The following CCSER1 variants were observed in gnomAD, a reference collection of about 807,000 sequenced individuals.
The protein encoded by CCSER1 is serine-rich coiled-coil domain-containing protein 1.
CCSER1 carries 41 observed loss-of-function variants against 82.0 expected under a neutral mutation model. The observed-to-expected ratio is 0.50, with a 90% CI of 0.39 to 0.65. The LOEUF is 0.65. Among genes scored for constraint, CCSER1 ranks in the 30% least tolerant of loss-of-function variants. CCSER1 has a pLI of 0.00. For synonymous variants in CCSER1, 414 were observed against 383.9 expected (o/e 1.08, Z -0.92); for missense variants, 1,119 against 1,064.2 (o/e 1.05, Z -0.72).
intron 10 of CCSER1, among the ~76,000 whole-genome samples, chr4:91,334,457 A>G (rs1041511599): frequency 2.0e-5 from 3 of 152,078 alleles, no homozygotes; most frequent in African/African-American, 4.8e-5. Flanking sequence ...AATGTTTGAC[A>G]CAATTTGCAG....
chr4:91,019,018 T>C (rs1468739933), intron 9 of CCSER1, among the ~76,000 whole-genome samples: 2 of 152,064 alleles, frequency 1.3e-5, no homozygotes, highest in African/African-American at 4.8e-5. Context: ...TTCATCTCTA[T>C]CATTTATTGC....
At chr4:91,387,132 C>A (rs1751346353) in intron 10 of CCSER1, among the ~76,000 whole-genome samples, 1 of 151,888 alleles carries the variant, frequency 6.6e-6, no homozygotes, top group Non-Finnish European at 1.5e-5. Flanking sequence ...GATAATGAAA[C>A]TGTGATTCTG....
chr4:90,255,951 G>C (rs1723211673), intron 1 of CCSER1, among the ~76,000 whole-genome samples: 1 of 152,142 alleles, frequency 6.6e-6, no homozygotes, highest in Non-Finnish European at 1.5e-5. Flanking sequence ...ATCTAAGCTA[G>C]CTAGTGATGG....
At chr4:90,583,470 A>G (rs1781648122) in intron 5 of CCSER1, among the ~76,000 whole-genome samples, 1 of 152,112 alleles carries the variant, frequency 6.6e-6, no homozygotes, top group Non-Finnish European at 1.5e-5. Context: ...CTGGCTGGAT[A>G]TGTTTTTTAA....
chr4:90,248,065 T>C (rs566648650), intron 1 of CCSER1, among the ~76,000 whole-genome samples: 2 of 152,246 alleles, frequency 1.3e-5, no homozygotes, highest in South Asian at 2.1e-4. Flanking sequence ...ATTATATTAG[T>C]TTGAATAAGT....
At chr4:90,250,961 A>G (rs558795378) in intron 1 of CCSER1, among the ~76,000 whole-genome samples, 8 of 151,886 alleles carry the variant, frequency 5.3e-5, no homozygotes, top group Non-Finnish European at 7.4e-5. Context: ...TAAATGGAGG[A>G]CTATTTTCTT....
intron 10 of CCSER1, among the ~76,000 whole-genome samples, chr4:91,148,321 T>A (rs1401133242): frequency 6.6e-6 from 1 of 152,112 alleles, no homozygotes; most frequent in Non-Finnish European, 1.5e-5. Flanking sequence ...ATTGAGCTCT[T>A]AAGATATACC....
intron 7 of CCSER1, among the ~76,000 whole-genome samples, chr4:90,751,000 C>G (rs1481795106): frequency 6.6e-6 from 1 of 151,948 alleles, no homozygotes; most frequent in Non-Finnish European, 1.5e-5. Context: ...CTATATTATG[C>G]TGAAAATAAC....
At chr4:90,494,091 CA>C (rs1156845933) in intron 5 of CCSER1, among the ~76,000 whole-genome samples, 2 of 151,518 alleles carry the variant, frequency 1.3e-5, no homozygotes, top group Non-Finnish European at 1.5e-5. Context: ...AAACGGAAAA[CA>C]AAAAAAGGCA....
chr4:90,727,476 C>T (rs1325054547), intron 7 of CCSER1, among the ~76,000 whole-genome samples: 1 of 152,108 alleles, frequency 6.6e-6, no homozygotes, highest in East Asian at 1.9e-4. Flanking sequence ...TCATTCTATC[C>T]TTTTCTATCT....
intron 10 of CCSER1, among the ~76,000 whole-genome samples, chr4:91,092,109 G>T (rs758063741): frequency 2.6e-5 from 4 of 152,224 alleles, no homozygotes; most frequent in Non-Finnish European, 5.9e-5. Flanking sequence ...TTTTAATCCT[G>T]TCTCTTGATA....
intron 8 of CCSER1, among the ~76,000 whole-genome samples, chr4:90,875,436 A>G (rs1767073325): frequency 6.6e-6 from 1 of 152,160 alleles, no homozygotes; most frequent in Non-Finnish European, 1.5e-5. Flanking sequence ...ATGAGAACAA[A>G]TGACTTCACA....
intron 10 of CCSER1, among the ~76,000 whole-genome samples, chr4:91,462,993 A>G (rs1327906885): frequency 6.6e-6 from 1 of 152,170 alleles, no homozygotes; most frequent in Non-Finnish European, 1.5e-5. Flanking sequence ...CCGGTCTGAC[A>G]GCTTTGAAGA....
At chr4:90,793,206 A>G (rs1755512122) in intron 7 of CCSER1, among the ~76,000 whole-genome samples, 1 of 152,128 alleles carries the variant, frequency 6.6e-6, no homozygotes, top group African/African-American at 2.4e-5. Context: ...TTTAAGTTCA[A>G]GGATACATGT....
intron 1 of CCSER1, among the ~76,000 whole-genome samples, chr4:90,158,709 C>G (rs755127698): frequency 6.6e-6 from 1 of 152,166 alleles, no homozygotes; most frequent in African/African-American, 2.4e-5. Flanking sequence ...TACTGCTGCG[C>G]CGTTTTTTAA....
At chr4:90,266,788 G>A (rs11938724) in intron 1 of CCSER1, among the ~76,000 whole-genome samples, 7,372 of 151,934 alleles carry the variant, frequency 0.049, 474 homozygotes, top group African/African-American at 0.15. Flanking sequence ...CTTGAGTTTC[G>A]ACAAGCCTCA....
At chr4:91,031,893 AT>A (rs1476746926) in intron 9 of CCSER1, among the ~76,000 whole-genome samples, 5 of 152,118 alleles carry the variant, frequency 3.3e-5, no homozygotes, top group African/African-American at 1.2e-4. Context: ...CCACAAATTC[AT>A]TCATGTGTCA....
intron 9 of CCSER1, among the ~76,000 whole-genome samples, chr4:90,952,233 A>G (rs1419563613): frequency 6.6e-6 from 1 of 152,128 alleles, no homozygotes; most frequent in Non-Finnish European, 1.5e-5. Context: ...AAGGTAAAAA[A>G]ATAATATTTG....
At chr4:91,007,482 A>T (rs1215336644) in intron 9 of CCSER1, among the ~76,000 whole-genome samples, 1 of 152,028 alleles carries the variant, frequency 6.6e-6, no homozygotes, top group Non-Finnish European at 1.5e-5. Flanking sequence ...GTCTGTTCCA[A>T]AGTTCTACTT....
Sources: gnomAD v4.1 joint callset for allele counts (sites outside exome capture counted in the v4.1 genomes callset) on GRCh38, gnomAD v4.1.1 for gene constraint, MANE v1.5 for transcripts, NCBI Gene and HGNC (gene_info 2026-07-23, HGNC 2026-07-21) for gene names.